Variants in ASTN2 observed in about 807,000 individuals in gnomAD.
ASTN2 encodes astrotactin 2.
In ASTN2, 54 loss-of-function variants were observed where a neutral mutation model predicts 139.8. The ratio of observed to expected loss-of-function variants is 0.39; its 90% CI spans 0.31 to 0.48. ASTN2 has a LOEUF of 0.48. ASTN2 is among the 20% of genes least tolerant of loss of function. The pLI, the probability that ASTN2 is intolerant of heterozygous loss-of-function variation, is 0.95. For synonymous variants in ASTN2, 756 were observed against 719.5 expected (o/e 1.05, Z -0.81); for missense variants, 1,565 against 1,725.1 (o/e 0.91, Z 1.64).
At chr9:117,097,856 T>G (rs1181662409) in intron 4 of ASTN2, among the ~76,000 whole-genome samples, 1 of 152,248 alleles carries the variant, frequency 6.6e-6, no homozygotes, top group Non-Finnish European at 1.5e-5. Flanking sequence ...TTCTGCAATA[T>G]GGTTATTACA....
At chr9:116,551,221 C>T (rs1312946206) in intron 19 of ASTN2, 1 of 152,176 alleles carries the variant, frequency 6.6e-6, no homozygotes, top group Non-Finnish European at 1.5e-5. Context: ...GCATGCACTC[C>T]CTGATGATTC....
intron 12 of ASTN2, among the ~76,000 whole-genome samples, chr9:116,807,505 T>C (rs947506113): frequency 6.6e-6 from 1 of 152,204 alleles, no homozygotes; most frequent in African/African-American, 2.4e-5. Flanking sequence ...AGTGGGGAAA[T>C]CTCTTGGAAA....
At chr9:116,591,152 G>C (rs1854363526) in intron 19 of ASTN2, among the ~76,000 whole-genome samples, 1 of 152,196 alleles carries the variant, frequency 6.6e-6, no homozygotes, top group African/African-American at 2.4e-5. Context: ...AGCTGCAGCA[G>C]TTCAGGGAGC....
At chr9:116,545,326 T>G (rs550217631) in intron 19 of ASTN2, among the ~76,000 whole-genome samples, 92 of 152,374 alleles carry the variant, frequency 6.0e-4, no homozygotes, top group Non-Finnish European at 1.0e-3. Context: ...GAAAATGAAC[T>G]GTGGATTGGA....
At chr9:116,601,442 C>G (rs991179278) in intron 19 of ASTN2, among the ~76,000 whole-genome samples, 3 of 152,116 alleles carry the variant, frequency 2.0e-5, no homozygotes, top group Non-Finnish European at 2.9e-5. Context: ...TAACAGGTAA[C>G]TCTGGCTTTA....
chr9:116,746,621 G>A (rs1351503360), intron 13 of ASTN2, among the ~76,000 whole-genome samples: 1 of 152,132 alleles, frequency 6.6e-6, no homozygotes, highest in African/African-American at 2.4e-5. Context: ...TGGACATCTT[G>A]CATTATTCTG....
At chr9:116,784,747 T>A (rs890011103) in intron 13 of ASTN2, among the ~76,000 whole-genome samples, 3 of 151,966 alleles carry the variant, frequency 2.0e-5, no homozygotes, top group African/African-American at 4.8e-5. Flanking sequence ...CTGACCAACA[T>A]GGAGAAACCC....
At chr9:116,696,316 G>A (rs940074102) in intron 16 of ASTN2, among the ~76,000 whole-genome samples, 4 of 152,034 alleles carry the variant, frequency 2.6e-5, no homozygotes, top group African/African-American at 9.7e-5. Context: ...CTTTTTTGGT[G>A]CAGAGCCAAA....
chr9:117,039,855 C>T lies in ASTN2; in HGVS notation c.1387G>A (p.Val463Met), dbSNP rs1838501060. ...AAGTGCTCGGGCACATGCAGAGTCA[C>T]CTTCACAGTGAGTGGACAAGACATC... ...SQMSCPLTVK[V>M]TLHVPEHFIA... is the part of the protein sequence containing the mutation. Residue 463 changes from valine to methionine, a missense_variant, in exon 6 of 23, where the codon GTG becomes ATG. Physicochemically the swap from Val to Met is conservative, Grantham distance 21. Around this residue, in one of 4 missense-constraint regions of ASTN2, gnomAD observed 503 missense variants for 591.7 expected, o/e 0.85. Coordinates refer to ENST00000313400, the MANE Select transcript of ASTN2 (RefSeq NM_001365068.1). The T allele has an allele frequency of 1.2e-6, 2 of 1,613,624 alleles. No homozygotes were observed. Among genetic ancestry groups the T allele is most frequent in the Non-Finnish European group, 1.7e-6 (2 of 1,179,846 alleles).
At chr9:116,543,069 T>C (rs983289418) in intron 19 of ASTN2, among the ~76,000 whole-genome samples, 9 of 152,050 alleles carry the variant, frequency 5.9e-5, no homozygotes, top group African/African-American at 1.9e-4. Context: ...TAACCTCTAC[T>C]AGATAAGCAC....
At chr9:116,853,783 T>A (rs987195706) in intron 11 of ASTN2, among the ~76,000 whole-genome samples, 18 of 152,156 alleles carry the variant, frequency 1.2e-4, no homozygotes, top group African/African-American at 4.3e-4. Flanking sequence ...TTCACCCAAA[T>A]CATGAAACAC....
chr9:117,167,053 G>A (rs1030923843), intron 3 of ASTN2, among the ~76,000 whole-genome samples: 1 of 152,062 alleles, frequency 6.6e-6, no homozygotes, highest in African/African-American at 2.4e-5. Flanking sequence ...TTAGAAAGAT[G>A]ATCTACAAAA....
intron 4 of ASTN2, among the ~76,000 whole-genome samples, chr9:117,131,368 C>A (rs1829823277): frequency 6.6e-6 from 1 of 152,118 alleles, no homozygotes; most frequent in Non-Finnish European, 1.5e-5. Context: ...CAATAAGACA[C>A]CGAATTCCAA....
rs1857368135 is a variant in ASTN2 at position 116,642,145 on chromosome 9, A to C, written c.3072+9383T>G. Among the ~76,000 whole-genome samples the C allele has an allele frequency of 2.1e-5, 3 of 140,682 alleles. 1 individual carries two copies. The highest frequency in any genetic ancestry group is 4.5e-5 in the Non-Finnish European group (3 of 66,652). 92.3% of individuals were successfully genotyped at this position (140,682 alleles called of 152,430 possible). On this transcript the variant is annotated intron_variant, in intron 17 of 22. Transcript: ENST00000313400. ...GCTCCCAACCCACAAAAAAAAAAAA[A>C]CAAAAAAAAACAGAATCAGTAGGAA...
intron 3 of ASTN2, among the ~76,000 whole-genome samples, chr9:117,163,128 G>A (rs577568024): frequency 6.6e-6 from 1 of 152,030 alleles, no homozygotes; most frequent in Non-Finnish European, 1.5e-5. Context: ...TAGCTAAAAA[G>A]TAGGGGAGGA....
At chr9:116,959,239 G>A (rs1835810285) in intron 10 of ASTN2, among the ~76,000 whole-genome samples, 1 of 152,140 alleles carries the variant, frequency 6.6e-6, no homozygotes, top group African/African-American at 2.4e-5. Context: ...AAGCCCTAAT[G>A]GATGAGTAAA....
At chr9:116,857,447 T>A (rs1236899700) in intron 11 of ASTN2, among the ~76,000 whole-genome samples, 2 of 152,208 alleles carry the variant, frequency 1.3e-5, no homozygotes, top group Non-Finnish European at 2.9e-5. Context: ...CTGAAGGGGC[T>A]TATAAAACAA....
chr9:116,707,620 T>G, intron 16 of ASTN2, among the ~76,000 whole-genome samples: 1 of 151,580 alleles, frequency 6.6e-6, no homozygotes, highest in East Asian at 1.9e-4. Flanking sequence ...AAAACAGAGG[T>G]TCACAATTTG....
chr9:116,656,441 T>G (rs1858215354), intron 16 of ASTN2, among the ~76,000 whole-genome samples: 1 of 152,162 alleles, frequency 6.6e-6, no homozygotes, highest in Non-Finnish European at 1.5e-5. Flanking sequence ...ATTAAGTGAA[T>G]GGGAGAGTTA....
Sources: allele counts gnomAD v4.1 joint callset (sites outside exome capture counted in the v4.1 genomes callset), GRCh38; gene constraint gnomAD v4.1.1; regional missense constraint gnomAD v4.1.1; transcripts MANE v1.5; gene names NCBI Gene and HGNC (gene_info 2026-07-23, HGNC 2026-07-21).